Variants in N4BP2L2 observed in about 807,000 individuals in gnomAD.
The protein encoded by N4BP2L2 is NEDD4-binding protein 2-like 2.
N4BP2L2 carries 50 observed loss-of-function variants against 56.2 expected under a neutral mutation model. The ratio of observed to expected loss-of-function variants is 0.89; its 90% CI spans 0.71 to 1.13. The LOEUF (loss-of-function observed/expected upper bound fraction) is 1.13. Among genes scored for constraint, N4BP2L2 ranks in the 50% most tolerant of loss-of-function variants. N4BP2L2 has a pLI of 0.00. For synonymous variants in N4BP2L2, 203 were observed against 223.6 expected (o/e 0.91, Z 0.82); for missense variants, 689 against 693.8 (o/e 0.99, Z 0.08).
intron 6 of N4BP2L2, among the ~76,000 whole-genome samples, chr13:32,495,436 C>T (rs1490793721): frequency 3.9e-5 from 6 of 152,208 alleles, no homozygotes; most frequent in African/African-American, 1.4e-4. Context: ...CCCCAGCCCC[C>T]AAAGTTGTAC....
chr13:32,522,068 T>G (rs1215738484), intron 4 of N4BP2L2, 114 bp downstream of exon 4: 1 of 701,114 alleles, frequency 1.4e-6, no homozygotes, highest in East Asian at 2.8e-5. Context: ...ACAAACCTCT[T>G]TAGAAAACAA....
chr13:32,492,633 C>T (rs2087432250), intron 6 of N4BP2L2, among the ~76,000 whole-genome samples: 2 of 151,904 alleles, frequency 1.3e-5, no homozygotes, highest in Non-Finnish European at 2.9e-5. Flanking sequence ...TAAGACAGCC[C>T]GATTTACTAC....
chr13:32,475,425 T>C (rs962116076), intron 6 of N4BP2L2, among the ~76,000 whole-genome samples: 1 of 152,188 alleles, frequency 6.6e-6, no homozygotes, highest in African/African-American at 2.4e-5. Context: ...AGAAAAAGGA[T>C]TGGCTAGCAC....
chr13:32,439,549 T>C lies in N4BP2L2; in HGVS notation c.2105-812A>G, dbSNP rs541352231. 2.2e-4 allele frequency among the ~76,000 whole-genome samples: 33 copies of C among 152,102 alleles called. 1 individual carries two copies. The highest frequency in any genetic ancestry group is 4.3e-4 in the Non-Finnish European group (29 of 68,004). On this transcript the variant is annotated intron_variant, in intron 7 of 9. Coordinates refer to the N4BP2L2 transcript ENST00000357505. ...ATCTATGGACTTCTCCCCAAAAAAA[T>C]GGCACAAAATAACCCCCAAAATTTT...
At chr13:32,432,928 C>T (rs991670695) in exon 10 of N4BP2L2, 3 of 152,226 alleles carry the variant, frequency 2.0e-5, no homozygotes, top group South Asian at 2.1e-4. Context: ...GACTTTTCTC[C>T]GTGATCATGA....
chr13:32,486,286 T>C (rs2085835932), intron 6 of N4BP2L2, among the ~76,000 whole-genome samples: 2 of 152,116 alleles, frequency 1.3e-5, no homozygotes, highest in African/African-American at 2.4e-5. Context: ...AATTCTAAAA[T>C]ACAAATTGGA....
exon 6 of N4BP2L2, chr13:32,516,489 C>T (rs1224438140): frequency 6.6e-6 from 1 of 151,930 alleles, no homozygotes; most frequent in African/African-American, 2.4e-5. Context: ...AGTTTTTGGC[C>T]TGACAACTTA....
chr13:32,480,733 T>C, intron 6 of N4BP2L2: 1 of 655,674 alleles, frequency 1.5e-6, no homozygotes. Context: ...GCTACTACTA[T>C]TTTCATTTTA....
intron 6 of N4BP2L2, among the ~76,000 whole-genome samples, chr13:32,502,297 G>A (rs558981264): frequency 2.6e-5 from 4 of 151,758 alleles, no homozygotes; most frequent in Non-Finnish European, 4.4e-5. Flanking sequence ...GGCTGGTCTC[G>A]AACACCTGGC....
At chr13:32,471,222 G>A (rs1273544487) in intron 6 of N4BP2L2, among the ~76,000 whole-genome samples, 1 of 152,226 alleles carries the variant, frequency 6.6e-6, no homozygotes, top group Non-Finnish European at 1.5e-5. Flanking sequence ...AAGCTTATGT[G>A]TCAGGCTTGT....
At chr13:32,462,772 TC>T (rs1310336695) in intron 6 of N4BP2L2, among the ~76,000 whole-genome samples, 1 of 143,766 alleles carries the variant, frequency 7.0e-6, no homozygotes, top group Non-Finnish European at 1.5e-5. Context: ...ACACCTGTAA[TC>T]CCAGCACTTT....
At chr13:32,432,878 G>A (rs1460091355) in exon 10 of N4BP2L2, 1 of 152,106 alleles carries the variant, frequency 6.6e-6, no homozygotes, top group Admixed American at 6.5e-5. Context: ...CAACGGGTAC[G>A]TCTCTGGAAA....
At chr13:32,477,327 C>T (rs2083567926) in intron 6 of N4BP2L2, 2 of 196,290 alleles carry the variant, frequency 1.0e-5, no homozygotes, top group African/African-American at 4.7e-5. Flanking sequence ...CCAAGTACAG[C>T]ATGTGGTCAT....
chr13:32,528,172 T>C (rs2053631850), intron 2 of N4BP2L2, among the ~76,000 whole-genome samples: 1 of 152,214 alleles, frequency 6.6e-6, no homozygotes, highest in South Asian at 2.1e-4. Context: ...TTCACTTTAG[T>C]ATATTTTTAT....
At chr13:32,438,790 C>CCCTAACTG in intron 7 of N4BP2L2, 2 of 1,375,854 alleles carry the variant, frequency 1.5e-6, no homozygotes. Flanking sequence ...CAGATTTTTG[C>CCCTAACTG]CCTAACTGTG....
At chr13:32,446,326 G>A in intron 6 of N4BP2L2, 4 of 1,336,064 alleles carry the variant, frequency 3.0e-6, no homozygotes, top group Non-Finnish European at 4.0e-6. Flanking sequence ...AGTGCTATCT[G>A]TGGTTGTAAC....
intron 6 of N4BP2L2, among the ~76,000 whole-genome samples, chr13:32,467,240 T>C (rs1030352513): frequency 6.6e-6 from 1 of 151,580 alleles, no homozygotes; most frequent in Non-Finnish European, 1.5e-5. Context: ...TGGAAATTGG[T>C]TGTTATTATG....
At chr13:32,510,647 T>C (rs207635) in exon 6 of N4BP2L2, 127,477 of 151,894 alleles carry the variant, frequency 0.84, 53,962 homozygotes, top group African/African-American at 0.94. Context: ...TACAGGCACA[T>C]GCCACCACGC....
At chr13:32,459,390 C>T (rs1407296086) in intron 6 of N4BP2L2, among the ~76,000 whole-genome samples, 1 of 151,732 alleles carries the variant, frequency 6.6e-6, no homozygotes, top group Non-Finnish European at 1.5e-5. Context: ...ACTAGCTAAA[C>T]TAACCAAGGA....
Sources: gnomAD v4.1 joint callset for allele counts (sites outside exome capture counted in the v4.1 genomes callset) on GRCh38, gnomAD v4.1.1 for gene constraint, MANE v1.5 for transcripts, NCBI Gene and HGNC (gene_info 2026-07-23, HGNC 2026-07-21) for gene names.